The following FAM227B variants were observed in gnomAD, a reference collection of about 807,000 sequenced individuals.
FAM227B encodes the protein protein FAM227B.
FAM227B carries 88 observed loss-of-function variants against 73.8 expected under a neutral mutation model. The observed-to-expected ratio is 1.19, with a 90% CI of 1.00 to 1.42. The LOEUF (loss-of-function observed/expected upper bound fraction) is 1.42. Among genes scored for constraint, FAM227B ranks in the 40% most tolerant of loss-of-function variants. The pLI, the probability that FAM227B is intolerant of heterozygous loss-of-function variation, is 0.00. For missense variants in FAM227B, 632 were observed against 590.9 expected (o/e 1.07, Z -0.72); for synonymous variants, 210 against 190.5 (o/e 1.10, Z -0.84).
In FAM227B at chr15:49,568,277, T is replaced by C. The variant is rs760954935; in HGVS notation, c.715A>G (p.Ile239Val). 6.2e-7 allele frequency: 1 copy of C among 1,610,122 alleles called. No individual in the cohort carries two copies. The highest frequency in any genetic ancestry group is 1.3e-5 in the African/African-American group (1 of 74,860). ...SESYVTLFMS[I>V]PLSRKDAFFQ... ...AATGCATCCTTTCGACTTAGAGGTA[T>C]GCTCATGAAAAGTGTCACATAACTT... The change falls in exon 9 of 16, where the codon ATA becomes GTA. Residue 239 changes from isoleucine (I) to valine (V), a missense_variant. Coordinates refer to ENST00000299338, the MANE Select transcript of FAM227B (RefSeq NM_152647.3).
intron 2 of FAM227B, among the ~76,000 whole-genome samples, chr15:49,612,589 T>G (rs1295368004): frequency 1.3e-5 from 2 of 152,248 alleles, no homozygotes; most frequent in Non-Finnish European, 2.9e-5. Context: ...ATATAGGTAC[T>G]TGAAAAATAA....
At chr15:49,398,128 G>A (rs1201737910) in intron 11 of FAM227B, among the ~76,000 whole-genome samples, 2 of 152,182 alleles carry the variant, frequency 1.3e-5, no homozygotes, top group East Asian at 3.9e-4. Flanking sequence ...ACACACATAG[G>A]CTCAAAATAA....
At chr15:49,553,734 AC>A (rs952186522) in intron 9 of FAM227B, among the ~76,000 whole-genome samples, 2 of 152,164 alleles carry the variant, frequency 1.3e-5, no homozygotes, top group Non-Finnish European at 2.9e-5. Context: ...CTTAAGGGCC[AC>A]AGGCTCTTAA....
At chr15:49,495,887 G>A (rs576701996) in intron 11 of FAM227B, among the ~76,000 whole-genome samples, 3 of 152,148 alleles carry the variant, frequency 2.0e-5, no homozygotes, top group East Asian at 3.9e-4. Flanking sequence ...GCTGAGTGTC[G>A]TGGTGCATGC....
intron 10 of FAM227B, among the ~76,000 whole-genome samples, chr15:49,523,415 G>A (rs1038110522): frequency 1.3e-5 from 2 of 152,156 alleles, no homozygotes; most frequent in African/African-American, 4.8e-5. Context: ...TGCCATCCAT[G>A]TAAGAAATGA....
At chr15:49,491,813 T>G (rs2057131995) in intron 11 of FAM227B, among the ~76,000 whole-genome samples, 1 of 151,898 alleles carries the variant, frequency 6.6e-6, no homozygotes, top group African/African-American at 2.4e-5. Flanking sequence ...TTCTACCATG[T>G]TTGTATCAAG....
chr15:49,368,781 A>G (rs900181401), intron 12 of FAM227B, among the ~76,000 whole-genome samples: 1 of 152,222 alleles, frequency 6.6e-6, no homozygotes, highest in South Asian at 2.1e-4. Flanking sequence ...CTATCTTACT[A>G]AAATTCTAGA....
At chr15:49,449,172 T>C (rs1236832307) in intron 11 of FAM227B, among the ~76,000 whole-genome samples, 2 of 151,910 alleles carry the variant, frequency 1.3e-5, no homozygotes, top group Non-Finnish European at 2.9e-5. Flanking sequence ...TCAGACTGCA[T>C]TACTAAGTCT....
At position 49,328,693 on chromosome 15, in the gene FAM227B, G is replaced by T; in HGVS notation, c.1420-18C>A. The T allele has an allele frequency of 1.9e-6, 3 of 1,548,850 alleles. No individual in the cohort carries two copies. Among genetic ancestry groups the T allele is most frequent in the Non-Finnish European group, 1.7e-6 (2 of 1,145,128 alleles). Reference sequence around the variant, plus strand: ...TCGGAACGCTATGAAAATAATACATGATTAAAGTTTCACAGATCTTCTTGG... The same window carrying T: ...TCGGAACGCTATGAAAATAATACATTATTAAAGTTTCACAGATCTTCTTGG... On this transcript the variant is annotated intron_variant, in intron 15 of 15. Coordinates refer to ENST00000299338, the MANE Select transcript of FAM227B (RefSeq NM_152647.3).
At chr15:49,594,198 C>T (rs114285105) in intron 3 of FAM227B, among the ~76,000 whole-genome samples, 2,586 of 152,100 alleles carry the variant, frequency 0.017, 35 homozygotes, top group Middle Eastern at 0.037. Context: ...ATTTTTTTCA[C>T]AGGTTTTTTG....
At chr15:49,484,505 T>C (rs2056239145) in intron 11 of FAM227B, 2 of 1,468,628 alleles carry the variant, frequency 1.4e-6, no homozygotes, top group East Asian at 4.7e-5. Flanking sequence ...AATAACTTAA[T>C]TGCATATGGT....
At chr15:49,379,542 G>A (rs2046385420) in intron 11 of FAM227B, among the ~76,000 whole-genome samples, 1 of 152,108 alleles carries the variant, frequency 6.6e-6, no homozygotes, top group African/African-American at 2.4e-5. Flanking sequence ...CTAGAAATTT[G>A]ATTTTCCAAT....
intron 3 of FAM227B, among the ~76,000 whole-genome samples, chr15:49,600,932 C>T (rs766919569): frequency 3.2e-4 from 48 of 149,872 alleles, no homozygotes; most frequent in Admixed American, 2.7e-4. Context: ...ATCCCAGCTA[C>T]ACCGGAGGCT....
At chr15:49,427,683 G>C (rs1037009820) in intron 11 of FAM227B, among the ~76,000 whole-genome samples, 1 of 151,926 alleles carries the variant, frequency 6.6e-6, no homozygotes, top group Non-Finnish European at 1.5e-5. Flanking sequence ...GGCTTCAGAG[G>C]ACTACTCACT....
At chr15:49,436,997 G>A (rs915105949) in intron 11 of FAM227B, among the ~76,000 whole-genome samples, 19 of 151,466 alleles carry the variant, frequency 1.3e-4, no homozygotes, top group African/African-American at 4.4e-4. Context: ...CTGAGAAGGC[G>A]TAGCAACCTT....
At chr15:49,494,264 C>A (rs899637941) in intron 11 of FAM227B, among the ~76,000 whole-genome samples, 37 of 142,616 alleles carry the variant, frequency 2.6e-4, no homozygotes, top group African/African-American at 9.2e-4. Context: ...CAAACACACA[C>A]ACACACACAC....
At chr15:49,544,568 T>A (rs2071546796) in intron 9 of FAM227B, among the ~76,000 whole-genome samples, 1 of 152,202 alleles carries the variant, frequency 6.6e-6, no homozygotes, top group African/African-American at 2.4e-5. Context: ...AAAGTGGGCA[T>A]CCTTGTCTTG....
chr15:49,489,860 T>TATATA (rs2056864120), intron 11 of FAM227B, among the ~76,000 whole-genome samples: 1 of 6,812 alleles, frequency 1.5e-4, no homozygotes, highest in East Asian at 4.4e-3. Context: ...TATATATATT[T>TATATA]TATATATATA....
chr15:49,572,656 T>C (rs1313100942), intron 8 of FAM227B, among the ~76,000 whole-genome samples: 1 of 152,116 alleles, frequency 6.6e-6, no homozygotes, highest in Non-Finnish European at 1.5e-5. Context: ...ATATGTCTTA[T>C]ACCTTCTGTT....
Sources: allele counts gnomAD v4.1 joint callset (sites outside exome capture counted in the v4.1 genomes callset), GRCh38; gene constraint gnomAD v4.1.1; transcripts MANE v1.5; gene names NCBI Gene and HGNC (gene_info 2026-07-23, HGNC 2026-07-21).